The following HEMK2 variants were observed in gnomAD, a reference collection of about 807,000 sequenced individuals.
HEMK2 encodes HemK methyltransferase 2, ETF1 glutamine and histone H4 lysine.
chr21:28,860,163 C>A, the HEMK2 span, among the ~76,000 whole-genome samples: 1 of 152,084 alleles, frequency 6.6e-6, no homozygotes, highest in African/African-American at 2.4e-5. Flanking sequence ...AAATTTGAGT[C>A]ACTGGGCTGG....
chr21:28,715,182 A>T, the HEMK2 span, among the ~76,000 whole-genome samples: 1 of 152,198 alleles, frequency 6.6e-6, no homozygotes, highest in Non-Finnish European at 1.5e-5. Context: ...GTCAAATGGT[A>T]ATTCTATTTT....
At chr21:28,771,774 T>C in the HEMK2 span, among the ~76,000 whole-genome samples, 6 of 152,160 alleles carry the variant, frequency 3.9e-5, no homozygotes, top group Non-Finnish European at 7.4e-5. Flanking sequence ...TCCTGAGAAA[T>C]AGCACCCTGC....
chr21:28,594,262 G>C, the HEMK2 span, among the ~76,000 whole-genome samples: 16 of 152,122 alleles, frequency 1.1e-4, no homozygotes, highest in African/African-American at 3.9e-4. Flanking sequence ...AAAACTTAAC[G>C]TGATATCATG....
At chr21:28,612,284 A>C in the HEMK2 span, among the ~76,000 whole-genome samples, 18,485 of 152,228 alleles carry the variant, frequency 0.12, 1,230 homozygotes, top group African/African-American at 0.15. Flanking sequence ...AACATCTGCA[A>C]GTCAATATAT....
At chr21:28,816,231 C>T in the HEMK2 span, among the ~76,000 whole-genome samples, 1 of 151,732 alleles carries the variant, frequency 6.6e-6, no homozygotes, top group Admixed American at 6.6e-5. Flanking sequence ...CAAACTAATA[C>T]AATAGTGATA....
the HEMK2 span, among the ~76,000 whole-genome samples, chr21:28,810,463 C>G: frequency 2.0e-5 from 3 of 152,306 alleles, no homozygotes; most frequent in African/African-American, 4.8e-5. Flanking sequence ...ACCCAGCAAC[C>G]ATTTGCAAAC....
At chr21:28,796,115 A>T in the HEMK2 span, among the ~76,000 whole-genome samples, 2 of 152,148 alleles carry the variant, frequency 1.3e-5, no homozygotes, top group African/African-American at 4.8e-5. Context: ...TGATACTTCA[A>T]AGCTAGAATA....
the HEMK2 span, among the ~76,000 whole-genome samples, chr21:28,870,216 G>A: frequency 6.6e-6 from 1 of 152,092 alleles, no homozygotes; most frequent in Non-Finnish European, 1.5e-5. Flanking sequence ...AAAAAAGTAT[G>A]GACTTTACAC....
At chr21:28,614,699 G>T in the HEMK2 span, among the ~76,000 whole-genome samples, 1 of 152,092 alleles carries the variant, frequency 6.6e-6, no homozygotes, top group Admixed American at 6.6e-5. Context: ...ACTAGAATAT[G>T]GAATTTAATA....
the HEMK2 span, among the ~76,000 whole-genome samples, chr21:28,766,299 A>G: frequency 6.7e-6 from 1 of 149,866 alleles, no homozygotes; most frequent in Non-Finnish European, 1.5e-5. Context: ...AACTTAAAGT[A>G]TAATGATTTT....
the HEMK2 span, among the ~76,000 whole-genome samples, chr21:28,853,689 A>T: frequency 6.6e-6 from 1 of 152,224 alleles, no homozygotes; most frequent in Non-Finnish European, 1.5e-5. Context: ...CAGGCAATGT[A>T]GGGTTTATCT....
chr21:28,654,377 C>A, the HEMK2 span, among the ~76,000 whole-genome samples: 1 of 152,086 alleles, frequency 6.6e-6, no homozygotes, highest in Non-Finnish European at 1.5e-5. Context: ...CCAGCATTTT[C>A]TTTCTTTCTC....
the HEMK2 span, among the ~76,000 whole-genome samples, chr21:28,680,986 T>C: frequency 0.34 from 51,320 of 152,004 alleles, 10,062 homozygotes; most frequent in African/African-American, 0.53. Context: ...CTTTGAAAAC[T>C]GGCACAAGAC....
At chr21:28,811,277 A>AAAGAAAGAAAGAAAGAGAAAGG in the HEMK2 span, among the ~76,000 whole-genome samples, 17 of 148,324 alleles carry the variant, frequency 1.1e-4, no homozygotes, top group African/African-American at 4.4e-4. Flanking sequence ...AAAGAGAAAG[A>AAAGAAAGAAAGAAAGAGAAAGG]AAGAAAAGAA....
chr21:28,632,605 G>A, the HEMK2 span, among the ~76,000 whole-genome samples: 7 of 152,012 alleles, frequency 4.6e-5, no homozygotes, highest in African/African-American at 7.3e-5. Context: ...ATTTTCTATC[G>A]ATGTCAACAT....
At chr21:28,833,379 G>A in the HEMK2 span, among the ~76,000 whole-genome samples, 21 of 152,264 alleles carry the variant, frequency 1.4e-4, no homozygotes, top group African/African-American at 5.1e-4. Context: ...TACATTCCTA[G>A]AAGTACTGTG....
the HEMK2 span, among the ~76,000 whole-genome samples, chr21:28,795,219 C>G: frequency 2.0e-5 from 3 of 152,112 alleles, no homozygotes; most frequent in South Asian, 6.2e-4. Context: ...AATGATGGCT[C>G]TCATTTATAA....
the HEMK2 span, among the ~76,000 whole-genome samples, chr21:28,662,955 T>C: frequency 6.6e-6 from 1 of 152,122 alleles, no homozygotes; most frequent in African/African-American, 2.4e-5. Context: ...CAATCTTAAC[T>C]GCTCCCTAAG....
the HEMK2 span, chr21:28,878,433 T>G: frequency 6.9e-7 from 1 of 1,441,754 alleles, no homozygotes. Context: ...AAGTATATAT[T>G]TTGCATTTTA....
Sources: gnomAD v4.1 joint callset for allele counts (sites outside exome capture counted in the v4.1 genomes callset) on GRCh38, gnomAD v4.1.1 for gene constraint, MANE v1.5 for transcripts, NCBI Gene and HGNC (gene_info 2026-07-23, HGNC 2026-07-21) for gene names.